Variants in FAM219A observed in about 807,000 individuals in gnomAD.
FAM219A encodes protein FAM219A.
In FAM219A, 7 loss-of-function variants were observed where a neutral mutation model predicts 23.4. The observed-to-expected ratio is 0.30, with a 90% CI of 0.17 to 0.56. The LOEUF is 0.56. Ranked by LOEUF, FAM219A falls within the 20% of genes least tolerant of loss-of-function variation. FAM219A has a pLI of 0.92. For missense variants in FAM219A, 166 were observed against 246.9 expected (o/e 0.67, Z 2.20); for synonymous variants, 93 against 99.0 (o/e 0.94, Z 0.36).
intron 1 of FAM219A, among the ~76,000 whole-genome samples, chr9:34,425,071 C>T (rs997759462): frequency 1.9e-4 from 29 of 152,148 alleles, no homozygotes; most frequent in African/African-American, 6.8e-4. Flanking sequence ...TCCCAAAGTG[C>T]TGGAATTACA....
intron 1 of FAM219A, among the ~76,000 whole-genome samples, chr9:34,413,295 C>T (rs1446679775): frequency 6.6e-6 from 1 of 152,018 alleles, no homozygotes; most frequent in Non-Finnish European, 1.5e-5. Context: ...AAGGTGAACA[C>T]TAAGGGGTTG....
chr9:34,450,942 A>G (rs72735223), intron 1 of FAM219A, among the ~76,000 whole-genome samples: 7,571 of 152,268 alleles, frequency 0.05, 274 homozygotes, highest in Non-Finnish European at 0.065. Context: ...CCCCTCTTGC[A>G]TGCACACTCA....
intron 5 of FAM219A, 43 bp from the exon 6 acceptor site, chr9:34,401,165 G>A (rs778422541): frequency 5.6e-6 from 9 of 1,602,676 alleles, no homozygotes; most frequent in Non-Finnish European, 7.7e-6. Flanking sequence ...GCGGCAGGGA[G>A]GCACCACCCA....
chr9:34,438,531 A>G (rs1448854288), intron 1 of FAM219A, among the ~76,000 whole-genome samples: 1 of 152,026 alleles, frequency 6.6e-6, no homozygotes, highest in African/African-American at 2.4e-5. Flanking sequence ...GTATCTATCT[A>G]CTCTGGTGGG....
chr9:34,421,537 A>C (rs1367966547), intron 1 of FAM219A, among the ~76,000 whole-genome samples: 2 of 152,000 alleles, frequency 1.3e-5, no homozygotes, highest in African/African-American at 4.8e-5. Context: ...ACTCATACTC[A>C]AGGCATCAAT....
In FAM219A at chr9:34,458,387, G is replaced by C. The variant is rs1564023281; in HGVS notation, c.-124C>G. The C allele has an allele frequency of 6.7e-6, 4 of 594,288 alleles. No individual in the cohort carries two copies. The highest frequency in any genetic ancestry group is 7.1e-6 in the Non-Finnish European group (3 of 424,120). 36.8% of individuals were successfully genotyped at this position (594,288 alleles called of 1,614,324 possible). ...CTAGGCCTCCCCGGACCACTCGGGCGGGCAGGGGCCGGGCGGATGCAGGGG... is the reference window on the plus strand; with the variant it reads ...CTAGGCCTCCCCGGACCACTCGGGCCGGCAGGGGCCGGGCGGATGCAGGGG... On this transcript the variant is annotated 5_prime_UTR_variant, in exon 1 of 6. Transcript: ENST00000651358. This position sits in a 1 kb window ranked among gnomAD's most constrained non-coding sequence, Gnocchi z 6.6.
rs553027083 is a variant in FAM219A at position 34,425,165 on chromosome 9, C to T, written c.61-19201G>A. ...AGTCAAAACTTTCTCACATTTAAAC[C>T]CTTCAATAATAGTTTTCTGTAAAAA... On this transcript the variant is annotated intron_variant, in intron 1 of 5. Transcript: ENST00000651358. Among the ~76,000 whole-genome samples, 20 of 152,164 alleles carry T rather than the reference C, an allele frequency of 1.3e-4. No individual in the cohort carries two copies. In the East Asian group the frequency reaches 3.7e-3, roughly 28 times the overall value.
intron 1 of FAM219A, among the ~76,000 whole-genome samples, chr9:34,429,609 A>T (rs938480963): frequency 7.3e-5 from 11 of 151,700 alleles, no homozygotes; most frequent in Non-Finnish European, 2.9e-5. Context: ...TGTGAATTTA[A>T]CTCTTCTCTG....
intron 1 of FAM219A, among the ~76,000 whole-genome samples, chr9:34,436,246 T>G (rs1822912431): frequency 6.6e-6 from 1 of 151,862 alleles, no homozygotes; most frequent in African/African-American, 2.4e-5. Flanking sequence ...ATTTCTGGGA[T>G]TTTTTTGGGT....
intron 1 of FAM219A, among the ~76,000 whole-genome samples, chr9:34,443,934 C>T (rs990710813): frequency 6.6e-6 from 1 of 152,348 alleles, no homozygotes; most frequent in East Asian, 1.9e-4. Context: ...GACTGGTTCC[C>T]TTTGGTACCA....
chr9:34,411,900 T>C (rs11999164), intron 1 of FAM219A, among the ~76,000 whole-genome samples: 3,361 of 152,194 alleles, frequency 0.022, 135 homozygotes, highest in African/African-American at 0.077. Flanking sequence ...GTGAAAAGTC[T>C]CAGAAGCATA....
At chr9:34,429,429 G>A (rs1822610077) in intron 1 of FAM219A, among the ~76,000 whole-genome samples, 1 of 152,126 alleles carries the variant, frequency 6.6e-6, no homozygotes, top group Admixed American at 6.6e-5. Flanking sequence ...ACCAGCTCAG[G>A]GAATCATAAA....
At chr9:34,451,910 A>C (rs1404386864) in intron 1 of FAM219A, among the ~76,000 whole-genome samples, 1 of 152,316 alleles carries the variant, frequency 6.6e-6, no homozygotes, top group East Asian at 1.9e-4. Context: ...GACATCTTGC[A>C]GTGATGTAGT....
intron 1 of FAM219A, among the ~76,000 whole-genome samples, chr9:34,456,675 T>C (rs1480577154): frequency 6.6e-6 from 1 of 152,200 alleles, no homozygotes; most frequent in Non-Finnish European, 1.5e-5. Context: ...TTTAAGTTCA[T>C]GGGATGGACT....
chr9:34,401,025 G>T lies in FAM219A; in HGVS notation c.497C>A (p.Ser166Tyr). 6.2e-7 allele frequency: 1 copy of T among 1,603,836 alleles called. No homozygotes were observed. Among genetic ancestry groups the T allele is most frequent in the Non-Finnish European group, 8.5e-7 (1 of 1,173,894 alleles). ...DEDLDLIPPK[S>Y]VNPTCMCCQA... ...GCAGCACATGCACGTGGGGTTCACG[G>T]ACTTGGGGGGGATGAGGTCTAGGTC... is the stretch of plus-strand genomic sequence containing the variant. Residue 166 changes from serine (S) to tyrosine (Y), a missense_variant, in exon 6 of 6, where the codon TCC becomes TAC. Ser to Tyr is a moderately radical substitution (Grantham distance 144, BLOSUM62 -2). Around this residue, in one of 3 missense-constraint regions of FAM219A, gnomAD observed 72 missense variants for 131.0 expected, o/e 0.55. Transcript: ENST00000651358.
Position 34,402,781 on chromosome 9 carries a change from C to T in FAM219A, c.187G>A (p.Gly63Ser), listed in dbSNP as rs1309625897. ...CCCATGCTGCCATTCTTCAGGGAGC[C>T]CTTCCGGGCCAGCTCCCGCTGCTTC... Reference protein sequence around the residue: ...LEKQRELARKGSLKNGSMGSP... With the variant: ...LEKQRELARKSSLKNGSMGSP... Residue 63 changes from glycine to serine, a missense_variant, in exon 3 of 6, where the codon GGC (glycine) becomes AGC (serine). Physicochemically the swap from Gly to Ser is moderately conservative, Grantham distance 56. Coordinates refer to ENST00000651358, the MANE Select transcript of FAM219A (RefSeq NM_001184940.2). The T allele has an allele frequency of 1.2e-6, 2 of 1,614,200 alleles. No homozygotes were observed. Among genetic ancestry groups the T allele is most frequent in the Non-Finnish European group, 1.7e-6 (2 of 1,180,028 alleles).
intron 1 of FAM219A, among the ~76,000 whole-genome samples, chr9:34,415,141 A>AG (rs1821955273): frequency 1.3e-5 from 2 of 149,878 alleles, no homozygotes; most frequent in South Asian, 2.1e-4. Context: ...TTTTTTAGAG[A>AG]GGGGGTCTCA....
chr9:34,425,293 A>G (rs1822417145), intron 1 of FAM219A, among the ~76,000 whole-genome samples: 1 of 152,032 alleles, frequency 6.6e-6, no homozygotes, highest in African/African-American at 2.4e-5. Flanking sequence ...CAGCCTGGCC[A>G]ACATGGTGCA....
chr9:34,438,692 C>A (rs1823034156), intron 1 of FAM219A, among the ~76,000 whole-genome samples: 2 of 152,194 alleles, frequency 1.3e-5, no homozygotes, highest in African/African-American at 4.8e-5. Context: ...TATCTAGCTA[C>A]TCTGGTGGAG....
Sources: allele counts gnomAD v4.1 joint callset (sites outside exome capture counted in the v4.1 genomes callset), GRCh38; gene constraint gnomAD v4.1.1; regional missense constraint gnomAD v4.1.1; non-coding constraint Gnocchi (gnomAD v3.1); transcripts MANE v1.5; gene names NCBI Gene and HGNC (gene_info 2026-07-23, HGNC 2026-07-21).